Variants in USP32 observed in about 807,000 individuals in gnomAD.
USP32 encodes ubiquitin specific peptidase 32.
Under a neutral mutation model 204.8 loss-of-function variants are expected in USP32, and 59 were observed. The ratio of observed to expected loss-of-function variants is 0.29; its 90% CI spans 0.23 to 0.36. The LOEUF (loss-of-function observed/expected upper bound fraction) is 0.36. USP32 is among the 10% of genes least tolerant of loss of function. The pLI is 1.00. For missense variants in USP32, 1,160 were observed against 1,946.4 expected (o/e 0.60, Z 7.60); for synonymous variants, 517 against 678.4 (o/e 0.76, Z 3.70).
At chr17:60,402,638 C>T (rs904460201) in intron 1 of USP32, among the ~76,000 whole-genome samples, 1 of 152,172 alleles carries the variant, frequency 6.6e-6, no homozygotes, top group African/African-American at 2.4e-5. Context: ...CATGAGTATA[C>T]CTGTGCTACT....
In USP32 at chr17:60,294,565, A is replaced by G. The variant is rs2087376982; in HGVS notation, c.411+118T>C. 1.2e-5 allele frequency: 7 copies of G among 566,640 alleles called. No homozygotes were observed. The South Asian group carries it at 2.4e-4, about 19-fold the overall frequency. The allele number at this position is 566,640 out of a possible 1,614,324, so 35.1% of individuals were successfully genotyped here. On this transcript the variant is annotated intron_variant, in intron 4 of 33. Coordinates refer to ENST00000300896, the MANE Select transcript of USP32 (RefSeq NM_032582.4). ...ATAAATGGAAACATCAATAAATATA[A>G]AAATGCCAAGAGTAATCTGCACATA... is the stretch of plus-strand genomic sequence containing the variant.
intron 2 of USP32, among the ~76,000 whole-genome samples, chr17:60,328,951 C>T (rs2088311046): frequency 6.6e-6 from 1 of 152,204 alleles, no homozygotes; most frequent in Non-Finnish European, 1.5e-5. Flanking sequence ...GCCTGACTCA[C>T]GCAGTCTCCC....
chr17:60,301,771 C>T (rs1412880491), intron 2 of USP32, 67 bp from the exon 3 acceptor site: 2 of 1,129,430 alleles, frequency 1.8e-6, no homozygotes, highest in East Asian at 5.0e-5. Context: ...AGGCAGCTAT[C>T]ATCTTTAACA....
chr17:60,249,451 G>T, intron 11 of USP32: 1 of 399,824 alleles, frequency 2.5e-6, no homozygotes, highest in Non-Finnish European at 4.5e-6. Context: ...TGACTGGTCT[G>T]TTGTTAGTCT....
At chr17:60,364,693 T>C (rs970996158) in intron 1 of USP32, among the ~76,000 whole-genome samples, 8 of 152,208 alleles carry the variant, frequency 5.3e-5, no homozygotes, top group African/African-American at 1.9e-4. Flanking sequence ...CCAATCATAT[T>C]TAACATTCAT....
At chr17:60,359,676 T>C (rs2089160695) in intron 1 of USP32, among the ~76,000 whole-genome samples, 1 of 151,966 alleles carries the variant, frequency 6.6e-6, no homozygotes, top group East Asian at 1.9e-4. Context: ...CATGGTGGTG[T>C]GCACCTGTAC....
At chr17:60,338,945 T>G (rs1352029410) in intron 2 of USP32, among the ~76,000 whole-genome samples, 1 of 152,192 alleles carries the variant, frequency 6.6e-6, no homozygotes, top group Non-Finnish European at 1.5e-5. Flanking sequence ...AGTCTTGCTC[T>G]GTTGCCCAGG....
rs759249062 is a variant in USP32 at position 60,266,031 on chromosome 17, T to A, written c.872A>T (p.Asp291Val). The change falls in exon 8 of 34, where the codon GAC becomes GTC. Residue 291 changes from aspartate (D) to valine (V), a missense_variant. By Grantham distance (152) the Asp-to-Val change is radical. Coordinates refer to ENST00000300896, the MANE Select transcript of USP32 (RefSeq NM_032582.4). Reference protein sequence around the residue: ...DGVLSRVELRDMVVALLEVWK... With the variant: ...DGVLSRVELRVMVVALLEVWK... The stretch of plus-strand genomic sequence containing the variant: ...GACTTCTAAAAGTGCAACCACCATG[T>A]CTCTCAGTTCAACCCTGGAGAGAAC... The A allele has an allele frequency of 2.5e-6, 4 of 1,614,086 alleles. No homozygotes were observed. The highest frequency in any genetic ancestry group is 3.4e-6 in the Non-Finnish European group (4 of 1,179,972).
chr17:60,382,721 A>T (rs2089665807), intron 1 of USP32, among the ~76,000 whole-genome samples: 1 of 152,200 alleles, frequency 6.6e-6, no homozygotes, highest in Non-Finnish European at 1.5e-5. Flanking sequence ...GTAGGATAAT[A>T]CTTGTCATCA....
At chr17:60,292,903 C>T (rs1405167208) in intron 4 of USP32, among the ~76,000 whole-genome samples, 2 of 152,102 alleles carry the variant, frequency 1.3e-5, no homozygotes, top group Non-Finnish European at 2.9e-5. Flanking sequence ...ATAATCATTT[C>T]CTACCACTCC....
chr17:60,379,685 G>T (rs2089613479), intron 1 of USP32, among the ~76,000 whole-genome samples: 1 of 152,196 alleles, frequency 6.6e-6, no homozygotes. Flanking sequence ...CAGTCACATT[G>T]CTATAAAATT....
intron 4 of USP32, among the ~76,000 whole-genome samples, chr17:60,291,602 T>C (rs568958614): frequency 1.3e-5 from 2 of 152,128 alleles, no homozygotes; most frequent in South Asian, 4.2e-4. Context: ...AAAGCATTGT[T>C]ATTGAAGGTC....
At chr17:60,310,114 G>GGA (rs2087819760) in intron 2 of USP32, among the ~76,000 whole-genome samples, 1 of 152,054 alleles carries the variant, frequency 6.6e-6, no homozygotes, top group Admixed American at 6.6e-5. Flanking sequence ...GTGGAGAAAG[G>GGA]GAAACTCTTG....
At chr17:60,399,103 G>A (rs1291595382) in intron 1 of USP32, among the ~76,000 whole-genome samples, 1 of 152,162 alleles carries the variant, frequency 6.6e-6, no homozygotes, top group Non-Finnish European at 1.5e-5. Flanking sequence ...AGGAAGCCTA[G>A]GGAATGTGAA....
At chr17:60,419,113 C>A (rs1443852972) in intron 1 of USP32, among the ~76,000 whole-genome samples, 1 of 152,150 alleles carries the variant, frequency 6.6e-6, no homozygotes, top group Non-Finnish European at 1.5e-5. Flanking sequence ...TGGAATCAAC[C>A]TAAATGCCCA....
intron 31 of USP32, among the ~76,000 whole-genome samples, chr17:60,182,822 C>T (rs182605911): frequency 2.0e-5 from 3 of 151,972 alleles, no homozygotes; most frequent in African/African-American, 7.2e-5. Context: ...ATCCTCTAGA[C>T]CCCCTGAAAG....
intron 2 of USP32, among the ~76,000 whole-genome samples, chr17:60,324,468 C>CA (rs1197974148): frequency 6.6e-6 from 1 of 151,946 alleles, no homozygotes; most frequent in African/African-American, 2.4e-5. Context: ...CCCCTGAGAT[C>CA]AATGGGTTCC....
intron 2 of USP32, among the ~76,000 whole-genome samples, chr17:60,330,713 A>G (rs2088359891): frequency 6.6e-6 from 1 of 152,058 alleles, no homozygotes; most frequent in South Asian, 2.1e-4. Flanking sequence ...CACCTGGCTA[A>G]TATTTGTATT....
chr17:60,200,143 G>A (rs2084637395), intron 26 of USP32, among the ~76,000 whole-genome samples: 1 of 151,930 alleles, frequency 6.6e-6, no homozygotes, highest in South Asian at 2.1e-4. Context: ...ACAGTGAGCC[G>A]AGATCGTGCC....
Sources: allele counts gnomAD v4.1 joint callset (sites outside exome capture counted in the v4.1 genomes callset), GRCh38; gene constraint gnomAD v4.1.1; transcripts MANE v1.5; gene names NCBI Gene and HGNC (gene_info 2026-07-23, HGNC 2026-07-21).